MAML3: variants seen among roughly 807,000 people sequenced by gnomAD.
MAML3 encodes the protein mastermind like transcriptional coactivator 3.
A neutral mutation model predicts 101.9 loss-of-function variants in MAML3; 27 were observed. The observed-to-expected ratio is 0.27, with a 90% CI of 0.20 to 0.37. The LOEUF is 0.37. MAML3 is among the 10% of genes least tolerant of loss of function. The pLI is 1.00. For missense variants in MAML3, 1,316 were observed against 1,444.9 expected, an observed-to-expected ratio of 0.91 and a Z score of 1.45; for synonymous variants, 501 against 555.9, an observed-to-expected ratio of 0.90 and a Z score of 1.39.
chr4:139,802,227 C>T (rs564089058), intron 2 of MAML3, among the ~76,000 whole-genome samples: 9 of 152,212 alleles, frequency 5.9e-5, no homozygotes, highest in Non-Finnish European at 1.2e-4. Context: ...ACTGGAATGG[C>T]GCTTGTTGGT....
At chr4:139,974,011 T>A (rs1261668914) in intron 1 of MAML3, among the ~76,000 whole-genome samples, 1 of 152,158 alleles carries the variant, frequency 6.6e-6, no homozygotes, top group East Asian at 1.9e-4. Flanking sequence ...ATTTAGAACA[T>A]CTGTTAATTC....
chr4:140,075,755 C>T (rs1727754597), intron 1 of MAML3, among the ~76,000 whole-genome samples: 1 of 150,486 alleles, frequency 6.6e-6, no homozygotes, highest in Admixed American at 6.6e-5. Context: ...CCAGGCTAGT[C>T]TTTTTTGGGG....
chr4:140,046,791 G>A (rs1727189407), intron 1 of MAML3, among the ~76,000 whole-genome samples: 1 of 152,116 alleles, frequency 6.6e-6, no homozygotes, highest in Non-Finnish European at 1.5e-5. Context: ...GGTCGCAAAG[G>A]GCAGGGGGAG....
chr4:140,122,220 C>CTTTTTTT (rs369602172), intron 1 of MAML3, among the ~76,000 whole-genome samples: 1 of 124,614 alleles, frequency 8.0e-6, no homozygotes, highest in Admixed American at 8.4e-5. Flanking sequence ...TCAAACGAGA[C>CTTTTTTT]TTTTTTTTTT....
Position 139,719,409 on chromosome 4 carries a change from C to G in MAML3, c.3331G>C (p.Gly1111Arg), listed in dbSNP as rs187513501. 154 of 1,614,014 alleles carry G rather than the reference C, an allele frequency of 9.5e-5. 2 individuals are homozygous for G. In the East Asian group the frequency reaches 3.4e-3, roughly 36 times the overall value. ...AGGSFPGLPDGADLVDSIIKG... is the reference protein window; with the variant it reads ...AGGSFPGLPDRADLVDSIIKG... The stretch of plus-strand genomic sequence containing the variant: ...ATGATGGAGTCCACAAGGTCTGCAC[C>G]GTCCGGGAGGCCAGGGAAGGAACCC... The change falls in exon 5 of 5, where the codon GGT (glycine) becomes CGT (arginine). Residue 1111 changes from glycine to arginine, a missense_variant. By Grantham distance (125) the Gly-to-Arg change is moderately radical (BLOSUM62 -2). Coordinates refer to ENST00000509479, the MANE Select transcript of MAML3 (RefSeq NM_018717.5).
chr4:139,736,475 G>A (rs540552298), intron 2 of MAML3, among the ~76,000 whole-genome samples: 1 of 152,228 alleles, frequency 6.6e-6, no homozygotes, highest in East Asian at 1.9e-4. Flanking sequence ...CAAGCCATCT[G>A]ACCTCTCTCA....
intron 2 of MAML3, among the ~76,000 whole-genome samples, chr4:139,771,260 A>G (rs570020577): frequency 6.6e-6 from 1 of 152,342 alleles, no homozygotes; most frequent in South Asian, 2.1e-4. Context: ...TCTGGGTCCA[A>G]GAACCAAAGC....
intron 1 of MAML3, among the ~76,000 whole-genome samples, chr4:139,973,741 C>T (rs1402472973): frequency 6.6e-6 from 1 of 152,168 alleles, no homozygotes; most frequent in African/African-American, 2.4e-5. Flanking sequence ...CAAAAACCAG[C>T]TCAGAGGATG....
intron 2 of MAML3, among the ~76,000 whole-genome samples, chr4:139,833,778 T>G (rs1731212463): frequency 1.3e-5 from 2 of 152,226 alleles, no homozygotes; most frequent in Middle Eastern, 3.4e-3. Flanking sequence ...CTTGCCCATT[T>G]GCTTCAGTCC....
intron 1 of MAML3, among the ~76,000 whole-genome samples, chr4:139,932,889 A>G (rs1733429502): frequency 6.6e-6 from 1 of 152,298 alleles, no homozygotes; most frequent in African/African-American, 2.4e-5. Flanking sequence ...GAAGGACCCA[A>G]CCCAAGGAAA....
intron 1 of MAML3, among the ~76,000 whole-genome samples, chr4:140,017,811 A>G: frequency 1.2e-5 from 1 of 80,086 alleles, no homozygotes; most frequent in East Asian, 6.8e-4. Context: ...ATAACAGGGC[A>G]ATATGAGAGA....
At chr4:139,907,993 G>A (rs17051003) in intron 1 of MAML3, among the ~76,000 whole-genome samples, 43,952 of 152,062 alleles carry the variant, frequency 0.29, 7,227 homozygotes, top group East Asian at 0.57. Flanking sequence ...ATAAGCAGAT[G>A]GATGGTGGAC....
chr4:139,973,483 T>TAGTA (rs1330481281), intron 1 of MAML3, among the ~76,000 whole-genome samples: 1 of 152,208 alleles, frequency 6.6e-6, no homozygotes, highest in African/African-American at 2.4e-5. Flanking sequence ...AGGTTAAGTG[T>TAGTA]AGTAAGTGTA....
chr4:140,112,205 G>A (rs1253500642), intron 1 of MAML3, among the ~76,000 whole-genome samples: 1 of 151,330 alleles, frequency 6.6e-6, no homozygotes, highest in African/African-American at 2.4e-5. Context: ...TATTTTGATG[G>A]TTAAATTCTC....
chr4:139,730,245 C>G, intron 3 of MAML3, 171 bp downstream of exon 3: 1 of 642,220 alleles, frequency 1.6e-6, no homozygotes, highest in Non-Finnish European at 2.7e-6. Context: ...AGGAAAAACC[C>G]TAACTAATTG....
chr4:139,721,362 T>G (rs1728227501), intron 4 of MAML3, among the ~76,000 whole-genome samples: 1 of 152,230 alleles, frequency 6.6e-6, no homozygotes, highest in Non-Finnish European at 1.5e-5. Flanking sequence ...AACGGATTTT[T>G]CTATGTCCCT....
rs369593837 is a variant in MAML3 at position 140,067,040 on chromosome 4, T to C, written c.468+85820A>G. 7.9e-5 allele frequency among the ~76,000 whole-genome samples: 12 copies of C among 152,356 alleles called. No individual in the cohort carries two copies. The East Asian group carries it at 2.1e-3, about 27-fold the overall frequency. On this transcript the variant is annotated intron_variant, in intron 1 of 4. Coordinates refer to ENST00000509479, the MANE Select transcript of MAML3 (RefSeq NM_018717.5). ...CAACCGCAACAATAATGTTCATCTATGAATCCCTGAATAATACATTTTGGC... is the reference window on the plus strand; with the variant it reads ...CAACCGCAACAATAATGTTCATCTACGAATCCCTGAATAATACATTTTGGC...
At chr4:139,946,896 C>CAA (rs1733739189) in intron 1 of MAML3, among the ~76,000 whole-genome samples, 1 of 111,154 alleles carries the variant, frequency 9.0e-6, no homozygotes, top group Non-Finnish European at 1.9e-5. Context: ...AAGCCACACA[C>CAA]ACACACACAC....
At chr4:140,087,236 C>G (rs1461157159) in intron 1 of MAML3, among the ~76,000 whole-genome samples, 1 of 152,188 alleles carries the variant, frequency 6.6e-6, no homozygotes, top group Non-Finnish European at 1.5e-5. Flanking sequence ...GACTCTTTTA[C>G]TAGTGATGTT....
Sources: gnomAD v4.1 joint callset for allele counts (sites outside exome capture counted in the v4.1 genomes callset) on GRCh38, gnomAD v4.1.1 for gene constraint, MANE v1.5 for transcripts, NCBI Gene and HGNC (gene_info 2026-07-23, HGNC 2026-07-21) for gene names.